DEPDC1B: variants seen among roughly 807,000 people sequenced by gnomAD.
The protein encoded by DEPDC1B is DEP domain-containing protein 1B.
In DEPDC1B, 51 loss-of-function variants were observed where a neutral mutation model predicts 66.5. That is an observed-to-expected ratio of 0.77 (90% CI 0.61 to 0.97). DEPDC1B has a LOEUF of 0.97. DEPDC1B is among the 50% of genes least tolerant of loss of function. DEPDC1B has a pLI of 0.00. For synonymous variants in DEPDC1B, 226 were observed against 223.6 expected, an observed-to-expected ratio of 1.01 and a Z score of -0.10; for missense variants, 552 against 637.1, an observed-to-expected ratio of 0.87 and a Z score of 1.44.
At chr5:60,661,999 G>A (rs967071084) in intron 2 of DEPDC1B, among the ~76,000 whole-genome samples, 1 of 152,092 alleles carries the variant, frequency 6.6e-6, no homozygotes, top group Non-Finnish European at 1.5e-5. Flanking sequence ...ACTAAGGGAG[G>A]TACTGAGAAA....
At chr5:60,678,452 T>G (rs775653256) in intron 2 of DEPDC1B, among the ~76,000 whole-genome samples, 3 of 152,208 alleles carry the variant, frequency 2.0e-5, no homozygotes, top group Non-Finnish European at 4.4e-5. Context: ...AATCATATAG[T>G]CAATGTACTT....
chr5:60,616,150 A>G (rs1428230093), intron 7 of DEPDC1B, among the ~76,000 whole-genome samples: 2 of 152,190 alleles, frequency 1.3e-5, no homozygotes, highest in African/African-American at 4.8e-5. Flanking sequence ...GTACGTCACC[A>G]TCATCAAAGA....
Position 60,651,484 on chromosome 5 carries a change from C to T in DEPDC1B, c.315-3951G>A, listed in dbSNP as rs2111904043. On this transcript the variant is annotated intron_variant, in intron 2 of 10. Coordinates refer to ENST00000265036, the MANE Select transcript of DEPDC1B (RefSeq NM_018369.3). ...CGGAGGTTGCAGTGAGCTGAAATTG[C>T]ACCACTGCACCACTTCAGACTGGGC... Among the ~76,000 whole-genome samples, 2 of 150,418 alleles carry T rather than the reference C, an allele frequency of 1.3e-5. 1 individual carries two copies. Among genetic ancestry groups the T allele is most frequent in the South Asian group, 4.2e-4 (2 of 4,752 alleles).
chr5:60,689,194 G>A (rs954696696), intron 1 of DEPDC1B: 3 of 377,412 alleles, frequency 7.9e-6, no homozygotes, highest in East Asian at 7.7e-5. Flanking sequence ...GCCACTAGGC[G>A]GCAGGTGAAC....
rs1447581156 is a variant in DEPDC1B, at chr5:60,638,884, T to C, written c.764A>G (p.Asn255Ser). 4.4e-6 allele frequency: 7 copies of C among 1,607,734 alleles called. No individual in the cohort carries two copies. The Admixed American group carries it at 8.6e-5, about 20-fold the overall frequency. ...CATAGGCTGCTTCAAATCAGAACAG[T>C]TGGGCCCTATTTTCAAAAAGAGAGT... is the stretch of plus-strand genomic sequence containing the variant. ...SAMKCLANWP[N>S]CSDLKQPMYL... The change falls in exon 7 of 11, where the codon AAC becomes AGC. Residue 255 changes from asparagine (N) to serine (S), a missense_variant. Physicochemically the swap from Asn to Ser is conservative, Grantham distance 46 (BLOSUM62 1). Transcript: ENST00000265036.
chr5:60,636,095 G>A (rs1753038775), intron 7 of DEPDC1B, among the ~76,000 whole-genome samples: 1 of 152,164 alleles, frequency 6.6e-6, no homozygotes, highest in Non-Finnish European at 1.5e-5. Context: ...TATGGAGTGT[G>A]AGTAAAGAAT....
At chr5:60,606,677 T>A (rs1277360871) in intron 7 of DEPDC1B, among the ~76,000 whole-genome samples, 1 of 149,206 alleles carries the variant, frequency 6.7e-6, no homozygotes, top group Non-Finnish European at 1.5e-5. Flanking sequence ...CCAGTAGTCC[T>A]AGCTATTCAG....
At chr5:60,693,565 A>G (rs150883064) in intron 1 of DEPDC1B, among the ~76,000 whole-genome samples, 35 of 152,282 alleles carry the variant, frequency 2.3e-4, no homozygotes, top group African/African-American at 6.3e-4. Context: ...GGTTCAATCT[A>G]TTCTAGAGCT....
At chr5:60,641,155 G>A (rs900911435) in intron 6 of DEPDC1B, among the ~76,000 whole-genome samples, 1 of 152,132 alleles carries the variant, frequency 6.6e-6, no homozygotes, top group African/African-American at 2.4e-5. Context: ...AGAAATTCCA[G>A]TTATTCTAAG....
At chr5:60,617,731 T>TGA in intron 7 of DEPDC1B, among the ~76,000 whole-genome samples, 1 of 152,006 alleles carries the variant, frequency 6.6e-6, no homozygotes, top group African/African-American at 2.4e-5. Context: ...CAGATCCACA[T>TGA]GACAGAAAGT....
At chr5:60,687,546 A>C (rs980342030) in intron 1 of DEPDC1B, among the ~76,000 whole-genome samples, 10 of 149,734 alleles carry the variant, frequency 6.7e-5, no homozygotes, top group African/African-American at 2.5e-4. Flanking sequence ...TTTTTTTTTG[A>C]GATAGAGTCT....
chr5:60,697,303 T>C (rs142003600), intron 1 of DEPDC1B, among the ~76,000 whole-genome samples: 63 of 152,272 alleles, frequency 4.1e-4, no homozygotes, highest in African/African-American at 1.5e-3. Context: ...GAGCTTTTTC[T>C]AAAGCTGTAC....
intron 7 of DEPDC1B, among the ~76,000 whole-genome samples, chr5:60,617,660 G>C (rs1025032378): frequency 6.6e-6 from 1 of 152,164 alleles, no homozygotes; most frequent in Admixed American, 6.5e-5. Context: ...GACCTACTAA[G>C]AGACGTAGAC....
At chr5:60,686,034 CGACA>C (rs953270119) in intron 2 of DEPDC1B, among the ~76,000 whole-genome samples, 9 of 152,182 alleles carry the variant, frequency 5.9e-5, no homozygotes, top group African/African-American at 2.2e-4. Context: ...TATGCACTCA[CGACA>C]GACAGTCTCA....
chr5:60,685,998 T>G (rs1253403748), intron 2 of DEPDC1B, among the ~76,000 whole-genome samples: 1 of 152,224 alleles, frequency 6.6e-6, no homozygotes, highest in Non-Finnish European at 1.5e-5. Context: ...TAGATCCTAA[T>G]GCACAGCAAT....
chr5:60,695,234 CTT>C (rs1754627946), intron 1 of DEPDC1B, among the ~76,000 whole-genome samples: 1 of 152,132 alleles, frequency 6.6e-6, no homozygotes, highest in African/African-American at 2.4e-5. Context: ...GTTTAATCAG[CTT>C]ACGGTTCTGC....
chr5:60,644,368 G>A (rs1264203221), intron 5 of DEPDC1B, among the ~76,000 whole-genome samples: 5 of 152,104 alleles, frequency 3.3e-5, no homozygotes, highest in African/African-American at 1.2e-4. Context: ...ACACAGAGAA[G>A]CCAAAACAAA....
chr5:60,667,773 T>TACATATATATAAAAAATGGATATTA lies in DEPDC1B; in HGVS notation c.314+19188_314+19189insTAATATCCATTTTTTATATATATGT, dbSNP rs1561384110. ...TACATATATATAAAAAATGGATATT[T>TACATATATATAAAAAATGGATATTA]TACATATATATAAAAAATGGATATT... On this transcript the variant is annotated intron_variant, in intron 2 of 10. Transcript: ENST00000265036. 2.3e-3 allele frequency among the ~76,000 whole-genome samples: 191 copies of TACATATATATAAAAAATGGATATTA among 82,172 alleles called. 25 individuals are homozygous for TACATATATATAAAAAATGGATATTA. The highest frequency in any genetic ancestry group is 3.9e-3 in the Non-Finnish European group (146 of 37,284). The allele number at this position is 82,172 out of a possible 152,430, so 53.9% of individuals were successfully genotyped here.
chr5:60,690,278 G>C (rs192391173), intron 1 of DEPDC1B, among the ~76,000 whole-genome samples: 1 of 152,138 alleles, frequency 6.6e-6, no homozygotes, highest in East Asian at 1.9e-4. Flanking sequence ...CTGAAGCGTG[G>C]AATAGCCACA....
Sources: allele counts gnomAD v4.1 joint callset (sites outside exome capture counted in the v4.1 genomes callset), GRCh38; gene constraint gnomAD v4.1.1; transcripts MANE v1.5; gene names NCBI Gene and HGNC (gene_info 2026-07-23, HGNC 2026-07-21).